CACNA1S: variants seen among roughly 807,000 people sequenced by gnomAD.
CACNA1S encodes the protein voltage-dependent L-type calcium channel subunit alpha-1S.
CACNA1S carries 126 observed loss-of-function variants against 207.4 expected under a neutral mutation model. The observed-to-expected ratio is 0.61, with a 90% CI of 0.53 to 0.70. The LOEUF (loss-of-function observed/expected upper bound fraction) is 0.70, where lower values mean the gene tolerates loss of function less well. Among genes scored for constraint, CACNA1S ranks in the 30% least tolerant of loss-of-function variants. The probability of loss-of-function intolerance (pLI) is 0.00; values close to 1 mark genes in which losing one functional copy is unlikely to be tolerated. For missense variants in CACNA1S, 2,349 were observed against 2,422.8 expected (o/e 0.97, Z 0.64); for synonymous variants, 960 against 932.7 (o/e 1.03, Z -0.53).
rs374660431 is a variant in CACNA1S at position 201,040,363 on chromosome 1, C to T, written c.5238G>A (p.Val1746=). The change falls in exon 43 of 44, where the codon GTG becomes GTA. Residue 1746 remains valine, a synonymous_variant. Coordinates refer to ENST00000362061, the MANE Select transcript of CACNA1S (RefSeq NM_000069.3). ...APPAPCQCPR[V]ESSMPEDRKS... is the part of the protein sequence containing the mutation. ...TTCTGTCCTCAGGCATGGAGGACTC[C>T]ACCCTGGGGCACTGTTCCAAAGGTA... 6 of 1,613,304 alleles carry T rather than the reference C, an allele frequency of 3.7e-6. No homozygotes were observed. Among genetic ancestry groups the T allele is most frequent in the Non-Finnish European group, 5.1e-6 (6 of 1,179,948 alleles).
At chr1:201,074,062 G>A (rs1280026787) in intron 14 of CACNA1S, among the ~76,000 whole-genome samples, 1 of 152,146 alleles carries the variant, frequency 6.6e-6, no homozygotes, top group Non-Finnish European at 1.5e-5. Context: ...CTGTAGGCAT[G>A]GGCATTGGAA....
At chr1:201,052,909 T>C (rs1169772802) in intron 31 of CACNA1S, among the ~76,000 whole-genome samples, 1 of 151,804 alleles carries the variant, frequency 6.6e-6, no homozygotes, top group African/African-American at 2.4e-5. Context: ...AGTCAATGTG[T>C]GGGGGAAGTG....
chr1:201,055,337 G>T (rs917024766), intron 28 of CACNA1S, among the ~76,000 whole-genome samples: 2 of 152,166 alleles, frequency 1.3e-5, no homozygotes, highest in African/African-American at 4.8e-5. Context: ...TCTCCACCCT[G>T]GCTGTATGTC....
Position 201,112,236 on chromosome 1 carries a change from G to C in CACNA1S, c.104C>G (p.Thr35Ser). Residue 35 changes from threonine (T) to serine (S), a missense_variant, in exon 1 of 44, where the codon ACC becomes AGC. Transcript: ENST00000362061. Reference sequence around the variant, plus strand: ...GGCCTTCCTCAGGGGGTTCTCCAGGGTCAGGCAGAACAAGGCCCGGGGTGG... The same window carrying C: ...GGCCTTCCTCAGGGGGTTCTCCAGGCTCAGGCAGAACAAGGCCCGGGGTGG... ...PRPPRALFCLTLENPLRKACI... is the reference protein window; with the variant it reads ...PRPPRALFCLSLENPLRKACI... 1 of 1,614,000 alleles carries C rather than the reference G, an allele frequency of 6.2e-7. No individual in the cohort carries two copies. Among genetic ancestry groups the C allele is most frequent in the Middle Eastern group, 1.6e-4 (1 of 6,062 alleles).
chr1:201,093,844 A>G lies in CACNA1S; in HGVS notation c.398+38T>C, dbSNP rs370445245. On this transcript the variant is annotated intron_variant, in intron 3 of 43. Transcript: ENST00000362061. ...GGCAGTGGGCACACAGTCCTCAGCGAGGGTCTGACCTTCAGTCTCCCCACA... is the reference window on the plus strand; with the variant it reads ...GGCAGTGGGCACACAGTCCTCAGCGGGGGTCTGACCTTCAGTCTCCCCACA... 635 of 1,612,450 alleles carry G rather than the reference A, an allele frequency of 3.9e-4. 4 individuals carry two copies. The African/African-American group carries it at 7.6e-3, about 19-fold the overall frequency.
intron 2 of CACNA1S, among the ~76,000 whole-genome samples, chr1:201,101,888 C>CA (rs749697405): frequency 0.024 from 3,497 of 143,484 alleles, 50 homozygotes; most frequent in African/African-American, 0.029. Context: ...CTAACAAGTC[C>CA]AAAAAAAAAA....
rs777279333 is a variant in CACNA1S at position 201,072,766 on chromosome 1, G to T, written c.2216C>A (p.Ala739Asp). ...TCCAGCATCCTCACCTGGGAAGTCGGCTGAGGGGTAGGGATCCTTCACCTC... is the reference window on the plus strand; with the variant it reads ...TCCAGCATCCTCACCTGGGAAGTCGTCTGAGGGGTAGGGATCCTTCACCTC... ...VNEVKDPYPSADFPGDDEEDE... is the reference protein window; with the variant it reads ...VNEVKDPYPSDDFPGDDEEDE... Residue 739 changes from alanine to aspartate, a missense_variant, in exon 16 of 44, where the codon GCC becomes GAC. By Grantham distance (126) the Ala-to-Asp change is moderately radical. Transcript: ENST00000362061. The T allele has an allele frequency of 6.2e-7, 1 of 1,613,310 alleles. No individual in the cohort carries two copies. Among genetic ancestry groups the T allele is most frequent in the African/African-American group, 1.3e-5 (1 of 75,010 alleles).
At chr1:201,064,417 C>T (rs1661172655) in intron 22 of CACNA1S, among the ~76,000 whole-genome samples, 2 of 152,254 alleles carry the variant, frequency 1.3e-5, no homozygotes, top group African/African-American at 4.8e-5. Context: ...TCTCTAGGGG[C>T]TCCACGCTGC....
rs187964335 is a variant in CACNA1S, at chr1:201,109,747, A to T, written c.258+417T>A. On this transcript the variant is annotated intron_variant, in intron 2 of 43. Transcript: ENST00000362061. ...AAAACTCTCCCATGAAGGCAAACTT[A>T]GTGGACACAAGTTTCTTATGAATTA... is the stretch of plus-strand genomic sequence containing the variant. Among the ~76,000 whole-genome samples, 793 of 152,346 alleles carry T rather than the reference A, an allele frequency of 5.2e-3. 3 individuals carry two copies. Among genetic ancestry groups the T allele is most frequent in the African/African-American group, 0.018 (764 of 41,562 alleles).
intron 39 of CACNA1S, among the ~76,000 whole-genome samples, 172 bp downstream of exon 39, chr1:201,044,153 CAGG>C (rs1660390957): frequency 6.6e-6 from 1 of 151,878 alleles, no homozygotes; most frequent in African/African-American, 2.4e-5. Context: ...TCTAGTAGAT[CAGG>C]TCATTGATTC....
chr1:201,103,890 C>T (rs1365658388), intron 2 of CACNA1S, among the ~76,000 whole-genome samples: 2 of 152,182 alleles, frequency 1.3e-5, no homozygotes, highest in African/African-American at 4.8e-5. Context: ...CCCAGGAATG[C>T]GACAGGGGCC....
intron 16 of CACNA1S, 68 bp from the exon 17 acceptor site, chr1:201,070,472 C>T (rs1216128413): frequency 1.2e-6 from 2 of 1,601,988 alleles, no homozygotes; most frequent in Non-Finnish European, 1.7e-6. Context: ...CTTCTGTGCT[C>T]AGAGCCCTCC....
At chr1:201,059,335 G>A (rs769679727) in intron 26 of CACNA1S, 36 bp from the exon 27 acceptor site, 7 of 1,394,324 alleles carry the variant, frequency 5.0e-6, no homozygotes, top group Non-Finnish European at 7.1e-6. Flanking sequence ...GGTCAGGGGG[G>A]CCGGGTTTGC....
chr1:201,075,507 C>T lies in CACNA1S; in HGVS notation c.1936G>A (p.Val646Ile), dbSNP rs139860737. 1.3e-4 allele frequency: 207 copies of T among 1,612,730 alleles called. No homozygotes were observed. In the East Asian group the frequency reaches 3.8e-3, roughly 30 times the overall value. The stretch of plus-strand genomic sequence containing the variant: ...CCCGAGAGGATACAGTTGCCACAGA[C>T]GAAAAGGATGATGAAGTAAATGCAC... ...LVCIYFIILF[V>I]CGNYILLNVF... Residue 646 changes from valine to isoleucine, a missense_variant, in exon 13 of 44, where the codon GTC becomes ATC. Transcript: ENST00000362061.
Position 201,091,759 on chromosome 1 carries a change from G to T in CACNA1S, c.575C>A (p.Ala192Asp), listed in dbSNP as rs770157804. The T allele has an allele frequency of 1.2e-6, 2 of 1,614,086 alleles. No individual in the cohort carries two copies. Among genetic ancestry groups the T allele is most frequent in the Non-Finnish European group, 8.5e-7 (1 of 1,179,918 alleles). The change falls in exon 5 of 44, where the codon GCC (alanine) becomes GAC (aspartate). Residue 192 changes from alanine to aspartate, a missense_variant. Ala to Asp is a moderately radical substitution (Grantham distance 126). Coordinates refer to ENST00000362061, the MANE Select transcript of CACNA1S (RefSeq NM_000069.3). ...GGCGATGTGAAAGAGGGGGAGCATG[G>T]CCTTGAAGATGGAGTTCAGGACCAC... ...LQVVLNSIFK[A>D]MLPLFHIALL...
Position 201,052,551 on chromosome 1 carries a change from G to A in CACNA1S, c.3953+6C>T, listed in dbSNP as rs115707724. On this transcript the variant is annotated splice_donor_region_variant and intron_variant, in intron 32 of 43. Transcript: ENST00000362061. ...GGTAGGGGTGGGGGTGGCGGGAGAC[G>A]CGTGCCTGAAGAGCAGTAGCACAGC... The A allele has an allele frequency of 2.0e-3, 3,193 of 1,609,174 alleles. 53 individuals carry two copies. In the African/African-American group the frequency reaches 0.035, roughly 18 times the overall value.
chr1:201,061,991 T>C lies in CACNA1S; in HGVS notation c.3006A>G (p.Ser1002=). The C allele has an allele frequency of 6.2e-7, 1 of 1,613,692 alleles. No homozygotes were observed. The highest frequency in any genetic ancestry group is 8.5e-7 in the Non-Finnish European group (1 of 1,179,550). Residue 1002 remains serine (S), a synonymous_variant, in exon 24 of 44, where the codon TCA becomes TCG. Coordinates refer to ENST00000362061, the MANE Select transcript of CACNA1S (RefSeq NM_000069.3). ...HSDFHFDNVL[S]AMMSLFTVST... is the part of the protein sequence containing the mutation. ...AGACCGTGAAGAGGGACATCATGGC[T>C]GAGAGCACATTGTCGAAGTGGAAGT...
chr1:201,052,805 G>A (rs936080461), intron 31 of CACNA1S, among the ~76,000 whole-genome samples, 157 bp from the exon 32 acceptor site: 5 of 151,856 alleles, frequency 3.3e-5, no homozygotes, highest in South Asian at 2.1e-4. Context: ...CAAAAAAAAC[G>A]GGATTATTTT....
chr1:201,111,111 A>G (rs1663086006), intron 1 of CACNA1S, among the ~76,000 whole-genome samples: 1 of 152,068 alleles, frequency 6.6e-6, no homozygotes. Flanking sequence ...CACAGAGTAA[A>G]CCTGATTGCA....
Sources: gnomAD v4.1 joint callset for allele counts (sites outside exome capture counted in the v4.1 genomes callset) on GRCh38, gnomAD v4.1.1 for gene constraint, MANE v1.5 for transcripts, NCBI Gene and HGNC (gene_info 2026-07-23, HGNC 2026-07-21) for gene names.